The following MITF variants were observed in gnomAD, a reference collection of about 807,000 sequenced individuals.
The protein encoded by MITF is microphthalmia-associated transcription factor.
A neutral mutation model predicts 60.5 loss-of-function variants in MITF; 17 were observed. That is an observed-to-expected ratio of 0.28 (90% CI 0.19 to 0.42). MITF has a LOEUF of 0.42. Ranked by LOEUF, MITF falls within the 10% of genes least tolerant of loss-of-function variation. The probability of loss-of-function intolerance (pLI) is 1.00; values close to 1 mark genes in which losing one functional copy is unlikely to be tolerated. For synonymous variants in MITF, 260 were observed against 248.5 expected, an observed-to-expected ratio of 1.05 and a Z score of -0.43; for missense variants, 622 against 683.5, an observed-to-expected ratio of 0.91 and a Z score of 1.00.
intron 2 of MITF, among the ~76,000 whole-genome samples, chr3:69,921,488 T>C (rs1471570135): frequency 6.6e-6 from 1 of 152,196 alleles, no homozygotes; most frequent in Non-Finnish European, 1.5e-5. Context: ...TTGTGTTGAA[T>C]TGATCGTTCT....
intron 1 of MITF, among the ~76,000 whole-genome samples, chr3:69,743,926 G>C (rs980908526): frequency 1.3e-5 from 2 of 152,200 alleles, no homozygotes; most frequent in Non-Finnish European, 2.9e-5. Flanking sequence ...CTTTGTAGTT[G>C]TTAATGTCCT....
chr3:69,898,954 C>T (rs1304070380), intron 2 of MITF, among the ~76,000 whole-genome samples: 6 of 152,144 alleles, frequency 3.9e-5, no homozygotes, highest in Non-Finnish European at 5.9e-5. Flanking sequence ...TCTCCTGGGG[C>T]TTACTGTTAA....
chr3:69,898,219 G>A (rs1193754481), intron 2 of MITF, among the ~76,000 whole-genome samples: 3 of 152,218 alleles, frequency 2.0e-5, no homozygotes, highest in Non-Finnish European at 2.9e-5. Context: ...GTGATCTGAA[G>A]AGTGAGTGAA....
intron 2 of MITF, among the ~76,000 whole-genome samples, chr3:69,893,350 A>G (rs2064800033): frequency 6.6e-6 from 1 of 151,896 alleles, no homozygotes; most frequent in African/African-American, 2.4e-5. Context: ...TACACCTGCT[A>G]TCTAGTTGCA....
chr3:69,967,816 A>G lies in MITF; in HGVS notation c.*2568A>G, dbSNP rs1176774355. 1.3e-5 allele frequency: 3 copies of G among 233,024 alleles called. No individual in the cohort carries two copies. The highest frequency in any genetic ancestry group is 6.6e-5 in the African/African-American group (3 of 45,308). 14.4% of individuals were successfully genotyped at this position (233,024 alleles called of 1,614,324 possible). A position where few individuals can be genotyped will look rare whatever the true frequency, so the allele number is the denominator to read the frequency against. ...GTTGTTTGTAACAAGAAAATGATCC[A>G]CACCACTCCCCCGATTCCCGGGTGC... On this transcript the variant is annotated 3_prime_UTR_variant, in exon 10 of 10. Transcript: ENST00000352241.
intron 5 of MITF, among the ~76,000 whole-genome samples, chr3:69,948,482 G>A (rs1322748599): frequency 1.3e-5 from 2 of 149,988 alleles, no homozygotes; most frequent in African/African-American, 2.5e-5. Flanking sequence ...TTGTGGCTTT[G>A]TGGAAAATTT....
intron 1 of MITF, among the ~76,000 whole-genome samples, chr3:69,874,851 G>C (rs2064317696): frequency 6.6e-6 from 1 of 152,198 alleles, no homozygotes; most frequent in Admixed American, 6.5e-5. Context: ...GACAAAGATA[G>C]AATAAAGTAT....
chr3:69,932,651 G>A (rs999977817), intron 2 of MITF, among the ~76,000 whole-genome samples: 1 of 152,128 alleles, frequency 6.6e-6, no homozygotes, highest in Non-Finnish European at 1.5e-5. Context: ...TGTACAGATT[G>A]TACAGTAAAC....
At position 69,959,266 on chromosome 3, in the gene MITF, A is replaced by T; in HGVS notation, c.1032-7A>T. On this transcript the variant is annotated splice_region_variant and splice_polypyrimidine_tract_variant and intron_variant, in intron 8 of 9. Transcript: ENST00000352241. ...AAAATATCTGTTTTCCTCCATTTTC[A>T]TCGCAGAGACATGCGCTGGAACAAG... 1 of 1,614,062 alleles carries T rather than the reference A, an allele frequency of 6.2e-7. No homozygotes were observed. The highest frequency in any genetic ancestry group is 8.5e-7 in the Non-Finnish European group (1 of 1,179,986).
chr3:69,751,099 G>A (rs1197430013), intron 1 of MITF, among the ~76,000 whole-genome samples: 1 of 152,182 alleles, frequency 6.6e-6, no homozygotes, highest in Non-Finnish European at 1.5e-5. Context: ...CTCTAAAAGT[G>A]TGAAACTTGA....
intron 1 of MITF, among the ~76,000 whole-genome samples, chr3:69,789,183 C>T (rs2062700370): frequency 6.6e-6 from 1 of 152,138 alleles, no homozygotes; most frequent in African/African-American, 2.4e-5. Flanking sequence ...ATGACACAAT[C>T]ATCAGACTGC....
At chr3:69,778,596 A>G (rs1014630469) in intron 1 of MITF, among the ~76,000 whole-genome samples, 2 of 152,184 alleles carry the variant, frequency 1.3e-5, no homozygotes, top group Non-Finnish European at 2.9e-5. Flanking sequence ...TCCTCTGGGC[A>G]TCACAACTGC....
At chr3:69,928,367 C>T (rs1422817026) in intron 2 of MITF, among the ~76,000 whole-genome samples, 2 of 152,196 alleles carry the variant, frequency 1.3e-5, no homozygotes, top group Non-Finnish European at 2.9e-5. Flanking sequence ...TCTGAACACA[C>T]TTGCGCCACC....
At chr3:69,762,378 C>T (rs1445746033) in intron 1 of MITF, among the ~76,000 whole-genome samples, 1 of 152,156 alleles carries the variant, frequency 6.6e-6, no homozygotes, top group African/African-American at 2.4e-5. Flanking sequence ...TGATTCTCAT[C>T]CATACCAAGA....
At chr3:69,953,752 A>T (rs2066327282) in intron 7 of MITF, among the ~76,000 whole-genome samples, 1 of 151,594 alleles carries the variant, frequency 6.6e-6, no homozygotes, top group Admixed American at 6.6e-5. Flanking sequence ...TGTGTGAGGC[A>T]CTTTTCTACA....
chr3:69,825,619 T>C (rs1371063702), intron 1 of MITF, among the ~76,000 whole-genome samples: 1 of 152,180 alleles, frequency 6.6e-6, no homozygotes, highest in African/African-American at 2.4e-5. Flanking sequence ...GATAGGGCCA[T>C]AGCAGTTGTT....
Position 69,956,441 on chromosome 3 carries a change from C to T in MITF, c.956-14C>T. ...ACTGTTACTAATAGCCTTTCCTGTG[C>T]TCTTTTCTTGAAGTTGAACGAAGAA... On this transcript the variant is annotated splice_polypyrimidine_tract_variant and intron_variant, in intron 7 of 9. Transcript: ENST00000352241. 1 of 1,607,510 alleles carries T rather than the reference C, an allele frequency of 6.2e-7. No homozygotes were observed. Among genetic ancestry groups the T allele is most frequent in the Non-Finnish European group, 8.5e-7 (1 of 1,174,180 alleles).
At chr3:69,959,482 G>C (rs2107538565) in intron 9 of MITF, 62 bp downstream of exon 9, 1 of 1,593,540 alleles carries the variant, frequency 6.3e-7, no homozygotes, top group Non-Finnish European at 8.6e-7. Context: ...AGTAGAAACA[G>C]GGATATAATG....
At chr3:69,853,082 G>A (rs998684780) in intron 1 of MITF, among the ~76,000 whole-genome samples, 1 of 151,996 alleles carries the variant, frequency 6.6e-6, no homozygotes, top group African/African-American at 2.4e-5. Context: ...CATTAATTTT[G>A]TGACCATAGT....
Sources: gnomAD v4.1 joint callset for allele counts (sites outside exome capture counted in the v4.1 genomes callset) on GRCh38, gnomAD v4.1.1 for gene constraint, MANE v1.5 for transcripts, NCBI Gene and HGNC (gene_info 2026-07-23, HGNC 2026-07-21) for gene names.